RANBP2: variants seen among roughly 807,000 people sequenced by gnomAD.
RANBP2 encodes E3 SUMO-protein ligase RanBP2.
Under a neutral mutation model 303.6 loss-of-function variants are expected in RANBP2, and 57 were observed. That is an observed-to-expected ratio of 0.19 (90% CI 0.15 to 0.23). The LOEUF is 0.23. Ranked by LOEUF, RANBP2 falls within the 10% of genes least tolerant of loss-of-function variation. The pLI is 1.00. For synonymous variants in RANBP2, 1,167 were observed against 1,301.5 expected (o/e 0.90, Z 2.23); for missense variants, 3,138 against 3,780.8 (o/e 0.83, Z 4.46).
the RANBP2 span, among the ~76,000 whole-genome samples, chr2:109,338,835 G>A: frequency 1.3e-4 from 20 of 152,284 alleles, no homozygotes; most frequent in East Asian, 3.1e-3. Context: ...GTGAGCCATT[G>A]CGCCAAGTCT....
the RANBP2 span, among the ~76,000 whole-genome samples, chr2:109,497,593 C>T: frequency 8.7e-4 from 133 of 152,266 alleles, no homozygotes; most frequent in Non-Finnish European, 1.6e-3. Flanking sequence ...AGCTGTCATC[C>T]TCAGCTGCTG....
the RANBP2 span, among the ~76,000 whole-genome samples, chr2:108,792,573 C>T: frequency 6.6e-6 from 1 of 152,186 alleles, no homozygotes; most frequent in Non-Finnish European, 1.5e-5. Flanking sequence ...CCTAGACAGG[C>T]AAGTAGAGCT....
chr2:109,453,087 C>T, the RANBP2 span, among the ~76,000 whole-genome samples: 20 of 152,254 alleles, frequency 1.3e-4, no homozygotes, highest in Non-Finnish European at 2.4e-4. Flanking sequence ...CTGCGTGGCC[C>T]GATGTGGTGT....
At chr2:109,227,250 C>T in the RANBP2 span, among the ~76,000 whole-genome samples, 510 of 152,216 alleles carry the variant, frequency 3.4e-3, 4 homozygotes, top group African/African-American at 0.012. Context: ...GGGGAAGGAG[C>T]TAAGAGAAAA....
chr2:108,799,097 C>T, the RANBP2 span, among the ~76,000 whole-genome samples: 3 of 152,040 alleles, frequency 2.0e-5, no homozygotes, highest in South Asian at 2.1e-4. Flanking sequence ...AAGATTCATG[C>T]GTTATATTTG....
the RANBP2 span, among the ~76,000 whole-genome samples, chr2:109,709,326 A>AT: frequency 6.8e-6 from 1 of 146,502 alleles, no homozygotes; most frequent in Non-Finnish European, 1.5e-5. Context: ...ATAAAATAAA[A>AT]TAAAATAAAA....
At chr2:108,742,066 G>A (rs368291265) in intron 7 of RANBP2, among the ~76,000 whole-genome samples, 1 of 150,338 alleles carries the variant, frequency 6.7e-6, no homozygotes, top group African/African-American at 2.5e-5. Context: ...GCGCGATCTG[G>A]CTCACTGCAA....
chr2:109,389,839 G>T, the RANBP2 span, among the ~76,000 whole-genome samples: 1 of 152,036 alleles, frequency 6.6e-6, no homozygotes, highest in Non-Finnish European at 1.5e-5. Flanking sequence ...TGCACTGTCA[G>T]AGAACAGGTC....
the RANBP2 span, among the ~76,000 whole-genome samples, chr2:108,899,000 T>A: frequency 6.6e-6 from 1 of 152,116 alleles, no homozygotes; most frequent in Non-Finnish European, 1.5e-5. Flanking sequence ...TGGGACTAAA[T>A]AAATACTCAA....
At chr2:109,683,297 T>G in the RANBP2 span, among the ~76,000 whole-genome samples, 1 of 152,206 alleles carries the variant, frequency 6.6e-6, no homozygotes, top group Admixed American at 6.5e-5. Flanking sequence ...TGAGCCACTG[T>G]GCCCAGCCTA....
At chr2:108,755,388 T>G (rs1676226815) in intron 17 of RANBP2, 129 bp downstream of exon 17, 2 of 1,437,632 alleles carry the variant, frequency 1.4e-6, no homozygotes, top group African/African-American at 1.4e-5. Context: ...AGGGGACATT[T>G]TGGTCTTTTT....
At chr2:109,682,420 C>A in the RANBP2 span, among the ~76,000 whole-genome samples, 1 of 152,088 alleles carries the variant, frequency 6.6e-6, no homozygotes, top group Non-Finnish European at 1.5e-5. Flanking sequence ...CCAGAAAGGG[C>A]GGAAAAGGCT....
downstream of RANBP2, among the ~76,000 whole-genome samples, chr2:108,788,579 G>GT (rs1471342490): frequency 6.6e-6 from 1 of 151,876 alleles, no homozygotes; most frequent in Non-Finnish European, 1.5e-5. Context: ...AATTAGCCGG[G>GT]TGTGGTGGCG....
chr2:109,373,588 A>G, the RANBP2 span, among the ~76,000 whole-genome samples: 1,423 of 147,894 alleles, frequency 9.6e-3, 19 homozygotes, highest in African/African-American at 0.034. Flanking sequence ...TAGGAGGTTC[A>G]AAAGCAGACA....
chr2:109,623,399 C>G, the RANBP2 span, among the ~76,000 whole-genome samples: 6 of 152,166 alleles, frequency 3.9e-5, no homozygotes, highest in African/African-American at 1.4e-4. Flanking sequence ...CACAGCTATC[C>G]TGAGCAGGCT....
At chr2:109,508,594 C>T in the RANBP2 span, among the ~76,000 whole-genome samples, 2 of 151,686 alleles carry the variant, frequency 1.3e-5, no homozygotes, top group African/African-American at 4.9e-5. Context: ...AGAAAGAACT[C>T]TTTATTTGGA....
chr2:109,049,190 G>C, the RANBP2 span, among the ~76,000 whole-genome samples: 1 of 152,176 alleles, frequency 6.6e-6, no homozygotes, highest in African/African-American at 2.4e-5. Context: ...GGAGTTGTTG[G>C]AACAGGGAGT....
chr2:108,921,966 T>TG, the RANBP2 span, among the ~76,000 whole-genome samples: 1 of 152,204 alleles, frequency 6.6e-6, no homozygotes, highest in Non-Finnish European at 1.5e-5. Flanking sequence ...AGGCAAGGGC[T>TG]GGGGGTGGGA....
the RANBP2 span, among the ~76,000 whole-genome samples, chr2:109,510,239 G>T: frequency 6.6e-6 from 1 of 152,202 alleles, no homozygotes; most frequent in African/African-American, 2.4e-5. Context: ...AGCCTTCCAG[G>T]CCAGAAGCAG....
Sources: allele counts gnomAD v4.1 joint callset (sites outside exome capture counted in the v4.1 genomes callset), GRCh38; gene constraint gnomAD v4.1.1; transcripts MANE v1.5; gene names NCBI Gene and HGNC (gene_info 2026-07-23, HGNC 2026-07-21).